The following DYM variants were observed in gnomAD, a reference collection of about 807,000 sequenced individuals.
The protein encoded by DYM is dyggve-Melchior-Clausen syndrome protein.
DYM carries 78 observed loss-of-function variants against 93.1 expected under a neutral mutation model. The ratio of observed to expected loss-of-function variants is 0.84; its 90% CI spans 0.70 to 1.01. The LOEUF is 1.01. Among genes scored for constraint, DYM ranks in the 50% least tolerant of loss-of-function variants. The pLI is 0.00. For missense variants in DYM, 789 were observed against 845.0 expected, an observed-to-expected ratio of 0.93 and a Z score of 0.82; for synonymous variants, 321 against 319.7, an observed-to-expected ratio of 1.00 and a Z score of -0.04.
chr18:49,331,826 T>G, intron 8 of DYM, 38 bp downstream of exon 8: 1 of 1,612,462 alleles, frequency 6.2e-7, no homozygotes, highest in Non-Finnish European at 8.5e-7. Flanking sequence ...ATAAAATTTA[T>G]GTGCACCAAA....
chr18:49,254,987 T>C (rs1001554564), intron 13 of DYM, among the ~76,000 whole-genome samples: 2 of 152,198 alleles, frequency 1.3e-5, no homozygotes, highest in African/African-American at 2.4e-5. Flanking sequence ...GTTCACATTA[T>C]TCCAATGTCA....
intron 15 of DYM, among the ~76,000 whole-genome samples, chr18:49,153,499 C>T (rs9955181): frequency 0.025 from 3,869 of 152,108 alleles, 158 homozygotes; most frequent in African/African-American, 0.087. Context: ...AGAAAATACC[C>T]GATGAACTGG....
intron 17 of DYM, among the ~76,000 whole-genome samples, chr18:49,073,353 T>C (rs1369103346): frequency 6.6e-6 from 1 of 152,216 alleles, no homozygotes; most frequent in Non-Finnish European, 1.5e-5. Context: ...ATATGTTTAC[T>C]GAATTAAGGT....
intron 17 of DYM, among the ~76,000 whole-genome samples, chr18:49,067,414 T>C: frequency 6.6e-6 from 1 of 150,438 alleles, no homozygotes; most frequent in Non-Finnish European, 1.5e-5. Flanking sequence ...GTGAGTGTTA[T>C]GGAGGTTCAG....
At chr18:49,433,847 G>T (rs1363963862) in intron 1 of DYM, among the ~76,000 whole-genome samples, 1 of 151,288 alleles carries the variant, frequency 6.6e-6, no homozygotes, top group Non-Finnish European at 1.5e-5. Flanking sequence ...CAGCCTGGGC[G>T]ACAGAGTGAA....
intron 2 of DYM, chr18:49,393,814 G>A (rs2069699127): frequency 6.6e-6 from 1 of 151,722 alleles, no homozygotes; most frequent in Admixed American, 6.6e-5. Context: ...AATAAAATAG[G>A]GAATTTCAAT....
At chr18:49,388,142 T>C (rs1321505909) in intron 3 of DYM, among the ~76,000 whole-genome samples, 3 of 151,930 alleles carry the variant, frequency 2.0e-5, no homozygotes, top group South Asian at 2.1e-4. Context: ...AAGTTCAACA[T>C]AACATGGCAA....
chr18:49,251,143 C>A (rs991755458), intron 13 of DYM, among the ~76,000 whole-genome samples: 1 of 152,210 alleles, frequency 6.6e-6, no homozygotes, highest in Admixed American at 6.5e-5. Context: ...GAGCACAGGT[C>A]AGATTTTTAA....
chr18:49,235,125 G>A (rs1364638136), intron 13 of DYM, among the ~76,000 whole-genome samples: 1 of 152,210 alleles, frequency 6.6e-6, no homozygotes, highest in African/African-American at 2.4e-5. Context: ...AGCCAAGTCA[G>A]ATTTCTGATC....
Position 49,036,939 on chromosome 18 carries a change from T to C in DYM, c.*7116A>G, listed in dbSNP as rs1238202502. On this transcript the variant is annotated 3_prime_UTR_variant, in exon 18 of 18. Transcript: ENST00000675505. ...TATTTTGGGACGGAGTCTCGCTCTG[T>C]TGCCCAGGCTGGAGTGCAGTGGCAC... is the stretch of plus-strand genomic sequence containing the variant. Among the ~76,000 whole-genome samples, 1 of 152,206 alleles carries C rather than the reference T, an allele frequency of 6.6e-6. No homozygotes were observed. The highest frequency in any genetic ancestry group is 1.5e-5 in the Non-Finnish European group (1 of 68,048).
At chr18:49,197,478 C>G (rs7235619) in intron 14 of DYM, among the ~76,000 whole-genome samples, 25,479 of 151,904 alleles carry the variant, frequency 0.17, 2,377 homozygotes, top group East Asian at 0.24. Flanking sequence ...TCAAAATGTG[C>G]CTTCTACTCT....
intron 4 of DYM, 72 bp from the exon 5 acceptor site, chr18:49,378,772 T>A: frequency 6.5e-7 from 1 of 1,529,748 alleles, no homozygotes; most frequent in Non-Finnish European, 9.0e-7. Context: ...AGTTCATGAT[T>A]TCTTCCTGAT....
intron 16 of DYM, among the ~76,000 whole-genome samples, chr18:49,101,709 C>T (rs117409882): frequency 2.6e-5 from 4 of 152,166 alleles, no homozygotes; most frequent in Admixed American, 6.5e-5. Context: ...TATATTTCCT[C>T]ATTGACTTGA....
chr18:49,460,309 G>A (rs1048820705), intron 1 of DYM, 89 bp downstream of exon 1: 2 of 152,166 alleles, frequency 1.3e-5, no homozygotes, highest in African/African-American at 2.4e-5. Flanking sequence ...GGGTTGCGGA[G>A]GGTGGCCCCT....
intron 15 of DYM, among the ~76,000 whole-genome samples, chr18:49,146,800 C>T (rs1315551762): frequency 5.9e-5 from 9 of 152,144 alleles, no homozygotes; most frequent in African/African-American, 9.7e-5. Flanking sequence ...AATGCCATCC[C>T]CATCAAGCTA....
chr18:49,417,999 G>A (rs750254926), intron 2 of DYM: 1 of 149,468 alleles, frequency 6.7e-6, no homozygotes, highest in Non-Finnish European at 1.5e-5. Context: ...GGCAGAGGTT[G>A]TGGTGAGCCG....
chr18:49,103,431 T>A (rs2080408959), intron 16 of DYM, among the ~76,000 whole-genome samples: 2 of 152,218 alleles, frequency 1.3e-5, no homozygotes, highest in African/African-American at 2.4e-5. Context: ...ATCCCATTTG[T>A]CAATTTTAGC....
At chr18:49,282,518 C>T (rs78720801) in intron 9 of DYM, among the ~76,000 whole-genome samples, 11,742 of 152,222 alleles carry the variant, frequency 0.077, 754 homozygotes, top group East Asian at 0.31. Context: ...GAGGCTATAG[C>T]AGGAGAATCG....
intron 15 of DYM, among the ~76,000 whole-genome samples, chr18:49,153,035 T>C (rs1419133723): frequency 1.3e-5 from 2 of 152,162 alleles, no homozygotes. Context: ...GGACCCAGTG[T>C]ATAGCATGGT....
Sources: gnomAD v4.1 joint callset for allele counts (sites outside exome capture counted in the v4.1 genomes callset) on GRCh38, gnomAD v4.1.1 for gene constraint, MANE v1.5 for transcripts, NCBI Gene and HGNC (gene_info 2026-07-23, HGNC 2026-07-21) for gene names.